MECOM: variants seen among roughly 807,000 people sequenced by gnomAD.
MECOM encodes histone-lysine N-methyltransferase MECOM.
A neutral mutation model predicts 116.3 loss-of-function variants in MECOM; 13 were observed. The observed-to-expected ratio is 0.11, with a 90% CI of 0.07 to 0.18. The LOEUF (loss-of-function observed/expected upper bound fraction) is 0.18, where lower values mean the gene tolerates loss of function less well. Among genes scored for constraint, MECOM ranks in the 10% least tolerant of loss-of-function variants. MECOM has a pLI of 1.00. For missense variants in MECOM, 1,299 were observed against 1,509.0 expected, an observed-to-expected ratio of 0.86 and a Z score of 2.31; for synonymous variants, 528 against 535.2, an observed-to-expected ratio of 0.99 and a Z score of 0.19.
intron 2 of MECOM, among the ~76,000 whole-genome samples, chr3:169,169,338 T>G (rs1303602689): frequency 6.6e-6 from 1 of 152,172 alleles, no homozygotes; most frequent in African/African-American, 2.4e-5. Context: ...AAAATCAGTC[T>G]TCGCAGTTAT....
At chr3:169,592,717 G>A (rs1766575866) in intron 1 of MECOM, among the ~76,000 whole-genome samples, 2 of 152,130 alleles carry the variant, frequency 1.3e-5, no homozygotes, top group South Asian at 2.1e-4. Context: ...TGGATTAAAA[G>A]TCCACATCTT....
chr3:169,312,962 G>A (rs1577680178), intron 2 of MECOM, among the ~76,000 whole-genome samples: 1 of 152,268 alleles, frequency 6.6e-6, no homozygotes, highest in African/African-American at 2.4e-5. Context: ...TGAGCATGAA[G>A]AGAGATGTGA....
chr3:169,554,017 C>A (rs866466811), intron 1 of MECOM, among the ~76,000 whole-genome samples: 6 of 152,308 alleles, frequency 3.9e-5, no homozygotes, highest in Middle Eastern at 3.4e-3. Context: ...TCAGTCCTAA[C>A]ACTACATTTC....
At chr3:169,147,202 G>T in intron 2 of MECOM, 1 of 985,484 alleles carries the variant, frequency 1.0e-6, no homozygotes. Flanking sequence ...CTCCTTCCCA[G>T]TTCCAATGGG....
chr3:169,318,059 T>C (rs1441258197), intron 2 of MECOM, among the ~76,000 whole-genome samples: 1 of 152,144 alleles, frequency 6.6e-6, no homozygotes, highest in African/African-American at 2.4e-5. Context: ...CTGGGAAAAC[T>C]GGCAAGCCAC....
chr3:169,255,285 A>G (rs1476941922), intron 2 of MECOM, among the ~76,000 whole-genome samples: 1 of 152,116 alleles, frequency 6.6e-6, no homozygotes, highest in African/African-American at 2.4e-5. Flanking sequence ...TCCATTTTAT[A>G]AATCAGGAGC....
chr3:169,218,993 T>C (rs1220324268), intron 2 of MECOM, among the ~76,000 whole-genome samples: 2 of 152,140 alleles, frequency 1.3e-5, no homozygotes, highest in Non-Finnish European at 2.9e-5. Context: ...AGCTATGTCA[T>C]GATCTTGGAT....
intron 2 of MECOM, among the ~76,000 whole-genome samples, chr3:169,291,343 C>T (rs2149696382): frequency 6.6e-6 from 1 of 152,218 alleles, no homozygotes; most frequent in East Asian, 1.9e-4. Context: ...TATATTATAA[C>T]TAATTGTAAC....
At chr3:169,106,990 T>G (rs1174764817) in intron 10 of MECOM, among the ~76,000 whole-genome samples, 1 of 152,152 alleles carries the variant, frequency 6.6e-6, no homozygotes, top group Non-Finnish European at 1.5e-5. Context: ...CAATTTTACA[T>G]ATTCCACAAA....
intron 2 of MECOM, among the ~76,000 whole-genome samples, chr3:169,241,594 C>G (rs561750823): frequency 6.6e-6 from 1 of 152,180 alleles, no homozygotes; most frequent in South Asian, 2.1e-4. Context: ...AAAGAACTGT[C>G]AAGTTTACCT....
intron 1 of MECOM, among the ~76,000 whole-genome samples, chr3:169,541,211 C>T (rs1760019639): frequency 6.6e-6 from 1 of 152,038 alleles, no homozygotes; most frequent in African/African-American, 2.4e-5. Context: ...GTGTGTGGGC[C>T]CTAGGACTAT....
chr3:169,158,624 G>A (rs1045730037), intron 2 of MECOM, among the ~76,000 whole-genome samples: 7 of 152,110 alleles, frequency 4.6e-5, no homozygotes, highest in Non-Finnish European at 8.8e-5. Context: ...CACTTCCTCT[G>A]GTGCTCGGCC....
chr3:169,370,191 C>T (rs1365148740), intron 2 of MECOM, among the ~76,000 whole-genome samples: 2 of 151,888 alleles, frequency 1.3e-5, no homozygotes, highest in African/African-American at 2.4e-5. Flanking sequence ...CTGATGGAAC[C>T]GAATAGAAAG....
intron 1 of MECOM, among the ~76,000 whole-genome samples, chr3:169,562,374 C>T (rs1179758699): frequency 6.6e-6 from 1 of 151,954 alleles, no homozygotes; most frequent in Non-Finnish European, 1.5e-5. Context: ...GCAGTCTCTC[C>T]GGTCCTGCTT....
chr3:169,255,441 T>C (rs1375586131), intron 2 of MECOM, among the ~76,000 whole-genome samples: 1 of 151,848 alleles, frequency 6.6e-6, no homozygotes, highest in East Asian at 1.9e-4. Context: ...GCGAGGAACA[T>C]AGGTAAACGT....
rs143984301 is a variant in MECOM at position 169,441,192 on chromosome 3, C to A, written c.38-59668G>T. Among the ~76,000 whole-genome samples, 934 of 152,250 alleles carry A rather than the reference C, an allele frequency of 6.1e-3. 6 individuals are homozygous for A. The highest frequency in any genetic ancestry group is 0.021 in the African/African-American group (886 of 41,550). On this transcript the variant is annotated intron_variant, in intron 1 of 16. Transcript: ENST00000651503. ...GAGTGGACAGACAGAGTCCATGGCC[C>A]TCCAGGAGAAATTCAAGCCACTGGT...
rs775125327 is a variant in MECOM at position 169,100,992 on chromosome 3, G to A, written c.2772-30C>T. 5.2e-6 allele frequency: 8 copies of A among 1,540,398 alleles called. No homozygotes were observed. In the South Asian group the frequency reaches 8.1e-5, roughly 16 times the overall value. ...TATGAAAAGATGTTTATAAGAGAAA[G>A]TCAGCACAGTTGACTATATTTCACT... On this transcript the variant is annotated intron_variant, in intron 11 of 16. Coordinates refer to ENST00000651503, the MANE Select transcript of MECOM (RefSeq NM_004991.4).
At chr3:169,645,082 T>A (rs533836762) in intron 1 of MECOM, among the ~76,000 whole-genome samples, 1 of 152,244 alleles carries the variant, frequency 6.6e-6, no homozygotes, top group East Asian at 1.9e-4. Flanking sequence ...AAATGTACAC[T>A]CAGGTGCAAC....
At position 169,090,063 on chromosome 3, in the gene MECOM, T is replaced by C; in HGVS notation, c.3338A>G (p.Asn1113Ser). The change falls in exon 15 of 17, where the codon AAC becomes AGC. Residue 1113 changes from asparagine (N) to serine (S), a missense_variant. By Grantham distance (46) the Asn-to-Ser change is conservative. Around this residue, in one of 6 missense-constraint regions of MECOM, gnomAD observed 273 missense variants for 289.3 expected, o/e 0.94. Transcript: ENST00000651503. The part of the protein sequence containing the change: ...EPVTSNLHEG[N>S]PEDDYEETSA... ...GGTTTCTTCATAGTCATCCTCAGGGTTTCCTTCATGTAAATTACTTGTCAC... is the reference window on the plus strand; with the variant it reads ...GGTTTCTTCATAGTCATCCTCAGGGCTTCCTTCATGTAAATTACTTGTCAC... 5 of 1,613,586 alleles carry C rather than the reference T, an allele frequency of 3.1e-6. No individual in the cohort carries two copies. Among genetic ancestry groups the C allele is most frequent in the Non-Finnish European group, 3.4e-6 (4 of 1,179,698 alleles).
Sources: gnomAD v4.1 joint callset for allele counts (sites outside exome capture counted in the v4.1 genomes callset) on GRCh38, gnomAD v4.1.1 for gene constraint, gnomAD v4.1.1 regional missense constraint, MANE v1.5 for transcripts, NCBI Gene and HGNC (gene_info 2026-07-23, HGNC 2026-07-21) for gene names.